Variants in CERS6 observed in about 807,000 individuals in gnomAD.
CERS6 encodes ceramide synthase 6, also known as LAG1 homolog, ceramide synthase 6.
In CERS6, 26 loss-of-function variants were observed where a neutral mutation model predicts 56.8. The observed-to-expected ratio is 0.46, with a 90% CI of 0.34 to 0.63. CERS6 has a LOEUF of 0.63. Among genes scored for constraint, CERS6 ranks in the 30% least tolerant of loss-of-function variants. The pLI, the probability that CERS6 is intolerant of heterozygous loss-of-function variation, is 0.01. For synonymous variants in CERS6, 164 were observed against 173.3 expected (o/e 0.95, Z 0.42); for missense variants, 415 against 467.5 (o/e 0.89, Z 1.04).
chr2:168,577,884 C>G (rs1471173215), intron 3 of CERS6, among the ~76,000 whole-genome samples: 1 of 152,166 alleles, frequency 6.6e-6, no homozygotes, highest in Non-Finnish European at 1.5e-5. Flanking sequence ...TTTGGCCTAT[C>G]TGCATGTGGG....
intron 4 of CERS6, among the ~76,000 whole-genome samples, chr2:168,685,482 G>A (rs1686324931): frequency 1.3e-5 from 2 of 152,060 alleles, no homozygotes. Flanking sequence ...TCACTAACAT[G>A]ATAATTGCAG....
rs1491580943 is a variant in CERS6 at position 168,486,518 on chromosome 2, G to GTTTTTTTTTTTT, written c.170+29900_170+29901insTTTTTTTTTTTT. 6.2e-4 allele frequency among the ~76,000 whole-genome samples: 84 copies of GTTTTTTTTTTTT among 136,256 alleles called. 3 individuals are homozygous for GTTTTTTTTTTTT. The highest frequency in any genetic ancestry group is 5.6e-3 in the East Asian group (25 of 4,502). 89.4% of individuals were successfully genotyped at this position (136,256 alleles called of 152,430 possible). A position where few individuals can be genotyped will look rare whatever the true frequency, so the allele number is the denominator to read the frequency against. On this transcript the variant is annotated intron_variant, in intron 1 of 9. Transcript: ENST00000305747. ...ATTTTTGTTAAAGGTGTCTAGATTT[G>GTTTTTTTTTTTT]GTTTTGTTTTTTTTTTTTTTGCCTA...
chr2:168,557,994 C>T lies in CERS6; in HGVS notation c.277-3198C>T, dbSNP rs140932202. On this transcript the variant is annotated intron_variant, in intron 2 of 9. Coordinates refer to ENST00000305747, the MANE Select transcript of CERS6 (RefSeq NM_203463.3). ...AGGCAGTAGATATGAATATACTCTT[C>T]ATAAAAAAATGGAAATACAGTTGAT... Among the ~76,000 whole-genome samples, 172 of 152,090 alleles carry T rather than the reference C, an allele frequency of 1.1e-3. 2 individuals are homozygous for T. Among genetic ancestry groups the T allele is most frequent in the African/African-American group, 3.9e-3 (161 of 41,504 alleles).
At chr2:168,768,896 C>A (rs1405847710) in intron 9 of CERS6, among the ~76,000 whole-genome samples, 6 of 128,280 alleles carry the variant, frequency 4.7e-5, no homozygotes, top group African/African-American at 1.8e-4. Flanking sequence ...CAGAGCAAGA[C>A]TCTGACTCAA....
intron 4 of CERS6, among the ~76,000 whole-genome samples, chr2:168,680,229 C>G (rs1271812999): frequency 6.6e-6 from 1 of 152,128 alleles, no homozygotes; most frequent in Non-Finnish European, 1.5e-5. Context: ...GCAGGGGATG[C>G]TGGCTGGGAA....
chr2:168,738,594 A>T (rs1051731693), intron 8 of CERS6, among the ~76,000 whole-genome samples: 4 of 152,208 alleles, frequency 2.6e-5, no homozygotes, highest in African/African-American at 9.7e-5. Flanking sequence ...CTGTTGAGGG[A>T]TAGACTTCTA....
intron 1 of CERS6, among the ~76,000 whole-genome samples, chr2:168,485,607 C>A (rs1262038046): frequency 1.3e-5 from 2 of 152,132 alleles, no homozygotes. Flanking sequence ...CAGTGTGTAA[C>A]CTTTTCAGAT....
chr2:168,740,296 A>G (rs1372576542), intron 8 of CERS6, among the ~76,000 whole-genome samples: 1 of 152,252 alleles, frequency 6.6e-6, no homozygotes, highest in African/African-American at 2.4e-5. Context: ...AACTTTTTCT[A>G]TATAAATACA....
intron 4 of CERS6, among the ~76,000 whole-genome samples, chr2:168,631,918 T>G (rs1049279359): frequency 1.4e-5 from 2 of 141,690 alleles, no homozygotes; most frequent in African/African-American, 5.2e-5. Flanking sequence ...AATATCTGTC[T>G]CTCTCTCTCT....
intron 5 of CERS6, 62 bp from the exon 6 acceptor site, chr2:168,694,897 T>A: frequency 7.8e-7 from 1 of 1,284,248 alleles, no homozygotes. Context: ...TTGAGATGTC[T>A]GGGATACAAA....
chr2:168,679,037 G>A (rs1686142478), intron 4 of CERS6, among the ~76,000 whole-genome samples: 1 of 152,154 alleles, frequency 6.6e-6, no homozygotes, highest in Non-Finnish European at 1.5e-5. Context: ...TAGAAATATG[G>A]ATGAACCTGG....
chr2:168,769,825 T>G lies in CERS6; in HGVS notation c.*163T>G. 1.5e-6 allele frequency: 1 copy of G among 647,778 alleles called. No homozygotes were observed. The highest frequency in any genetic ancestry group is 2.6e-6 in the Non-Finnish European group (1 of 383,996). The allele number at this position is 647,778 out of a possible 1,614,324, so 40.1% of individuals were successfully genotyped here. On this transcript the variant is annotated 3_prime_UTR_variant, in exon 10 of 10. Coordinates refer to ENST00000305747, the MANE Select transcript of CERS6 (RefSeq NM_203463.3). ...CACTGCCATGTGTCCTGTCTGTGAA[T>G]GAAGAAGAATTACCATTCTCTCTTT...
intron 8 of CERS6, among the ~76,000 whole-genome samples, chr2:168,762,010 G>T (rs768295593): frequency 6.6e-6 from 1 of 152,188 alleles, no homozygotes; most frequent in South Asian, 2.1e-4. Context: ...CTGTCAGGGG[G>T]TCAGGGGCAA....
chr2:168,652,199 C>G (rs1414614208), intron 4 of CERS6, among the ~76,000 whole-genome samples: 1 of 152,110 alleles, frequency 6.6e-6, no homozygotes, highest in East Asian at 1.9e-4. Flanking sequence ...TCATTAGGGT[C>G]ACTAGTGGGT....
chr2:168,496,263 A>G (rs998264745), intron 1 of CERS6, among the ~76,000 whole-genome samples: 1 of 152,074 alleles, frequency 6.6e-6, no homozygotes, highest in Non-Finnish European at 1.5e-5. Flanking sequence ...TATATATATC[A>G]TTTGATACCT....
intron 1 of CERS6, among the ~76,000 whole-genome samples, chr2:168,461,894 C>T (rs1693786499): frequency 6.6e-6 from 1 of 152,176 alleles, no homozygotes; most frequent in African/African-American, 2.4e-5. Flanking sequence ...AGTGGTTGCT[C>T]TTCTGTGATG....
intron 1 of CERS6, among the ~76,000 whole-genome samples, chr2:168,525,977 G>T (rs1193218025): frequency 6.6e-6 from 1 of 152,116 alleles, no homozygotes; most frequent in Non-Finnish European, 1.5e-5. Flanking sequence ...TCCTATCAAA[G>T]AATTTTGAGA....
At chr2:168,763,067 G>A (rs1052381465) in intron 8 of CERS6, among the ~76,000 whole-genome samples, 1 of 151,820 alleles carries the variant, frequency 6.6e-6, no homozygotes, top group African/African-American at 2.4e-5. Context: ...ATGGAGATAG[G>A]GTCTCACTCT....
intron 1 of CERS6, among the ~76,000 whole-genome samples, chr2:168,484,280 C>G (rs1490347158): frequency 7.5e-6 from 1 of 132,662 alleles, no homozygotes; most frequent in Non-Finnish European, 1.6e-5. Context: ...CTCCCGGGTT[C>G]AAGTAATTCT....
Sources: allele counts gnomAD v4.1 joint callset (sites outside exome capture counted in the v4.1 genomes callset), GRCh38; gene constraint gnomAD v4.1.1; transcripts MANE v1.5; gene names NCBI Gene and HGNC (gene_info 2026-07-23, HGNC 2026-07-21).